Variants in VWC2 observed in about 807,000 individuals in gnomAD.
VWC2 encodes the protein brorin.
VWC2 carries 14 observed loss-of-function variants against 29.8 expected under a neutral mutation model. The observed-to-expected ratio is 0.47, with a 90% CI of 0.31 to 0.74. The LOEUF (loss-of-function observed/expected upper bound fraction) is 0.74. VWC2 is among the 30% of genes least tolerant of loss of function. The pLI, the probability that VWC2 is intolerant of heterozygous loss-of-function variation, is 0.05. For missense variants in VWC2, 457 were observed against 459.8 expected, an observed-to-expected ratio of 0.99 and a Z score of 0.05; for synonymous variants, 213 against 199.0, an observed-to-expected ratio of 1.07 and a Z score of -0.59.
At chr7:49,778,518 T>C (rs1788100440) in intron 2 of VWC2, among the ~76,000 whole-genome samples, 1 of 152,252 alleles carries the variant, frequency 6.6e-6, no homozygotes, top group African/African-American at 2.4e-5. Flanking sequence ...GTTTGCTCAT[T>C]TTTGTTAGTA....
chr7:49,804,569 C>T (rs1483850702), intron 3 of VWC2, among the ~76,000 whole-genome samples: 1 of 152,132 alleles, frequency 6.6e-6, no homozygotes, highest in Non-Finnish European at 1.5e-5. Context: ...TAGACTAAGT[C>T]TTGGCATTAG....
chr7:49,895,768 AT>A, intron 3 of VWC2, among the ~76,000 whole-genome samples: 1 of 152,310 alleles, frequency 6.6e-6, no homozygotes, highest in East Asian at 1.9e-4. Context: ...AAATATAAAA[AT>A]TAAGTAGCAT....
At chr7:49,840,811 T>G (rs1246285628) in intron 3 of VWC2, among the ~76,000 whole-genome samples, 6 of 152,168 alleles carry the variant, frequency 3.9e-5, no homozygotes. Context: ...AGGTTCGCAG[T>G]GAGTCAAGCC....
chr7:49,821,854 G>A (rs1414007998), intron 3 of VWC2, among the ~76,000 whole-genome samples: 1 of 152,118 alleles, frequency 6.6e-6, no homozygotes. Flanking sequence ...AACCAACAGA[G>A]TACAAGTCCC....
At chr7:49,905,561 T>G (rs1793040216) in intron 3 of VWC2, among the ~76,000 whole-genome samples, 1 of 152,236 alleles carries the variant, frequency 6.6e-6, no homozygotes, top group African/African-American at 2.4e-5. Flanking sequence ...TTTTATTTAT[T>G]TGTGTGCATT....
At chr7:49,830,249 A>C (rs1047014615) in intron 3 of VWC2, among the ~76,000 whole-genome samples, 1 of 151,790 alleles carries the variant, frequency 6.6e-6, no homozygotes, top group African/African-American at 2.4e-5. Context: ...ATTAATCTTT[A>C]AAATTTGAAA....
At chr7:49,877,481 A>AAAAAATAT in intron 3 of VWC2, among the ~76,000 whole-genome samples, 1 of 12,722 alleles carries the variant, frequency 7.9e-5, no homozygotes, top group African/African-American at 2.8e-4. Context: ...AAAAAAAAAA[A>AAAAAATAT]ATATATATAT....
chr7:49,832,449 T>C (rs1789556116), intron 3 of VWC2, among the ~76,000 whole-genome samples: 1 of 152,102 alleles, frequency 6.6e-6, no homozygotes, highest in South Asian at 2.1e-4. Flanking sequence ...TCCTATGAGC[T>C]GATCAGAGGA....
intron 2 of VWC2, among the ~76,000 whole-genome samples, chr7:49,782,031 G>A (rs1342594621): frequency 7.2e-5 from 11 of 152,172 alleles, no homozygotes; most frequent in Non-Finnish European, 2.9e-5. Flanking sequence ...CTGGTTCTAG[G>A]AGGTATTCTA....
At chr7:49,823,753 A>C (rs982959523) in intron 3 of VWC2, among the ~76,000 whole-genome samples, 5 of 152,202 alleles carry the variant, frequency 3.3e-5, no homozygotes, top group African/African-American at 1.2e-4. Context: ...GTGATATTAC[A>C]CTGGTATTGC....
chr7:49,898,088 C>T (rs1476472655), intron 3 of VWC2, among the ~76,000 whole-genome samples: 1 of 151,952 alleles, frequency 6.6e-6, no homozygotes, highest in Non-Finnish European at 1.5e-5. Context: ...CCTTCCTGTA[C>T]AACCATTATG....
chr7:49,825,630 C>T (rs375474637), intron 3 of VWC2, among the ~76,000 whole-genome samples: 3 of 152,174 alleles, frequency 2.0e-5, no homozygotes, highest in African/African-American at 7.2e-5. Context: ...TGGGCCCAGC[C>T]ATTTTCTGTT....
intron 3 of VWC2, among the ~76,000 whole-genome samples, chr7:49,805,321 G>A (rs1166032449): frequency 6.6e-6 from 1 of 152,102 alleles, no homozygotes; most frequent in East Asian, 1.9e-4. Context: ...TTAGAAGGGA[G>A]ATGAATATGT....
chr7:49,860,612 T>C (rs1790609757), intron 3 of VWC2, among the ~76,000 whole-genome samples: 1 of 152,256 alleles, frequency 6.6e-6, no homozygotes, highest in Non-Finnish European at 1.5e-5. Flanking sequence ...CCTTTGGCTA[T>C]TGTAATACCT....
chr7:49,802,651 T>C, intron 2 of VWC2, 60 bp from the exon 3 acceptor site: 2 of 1,604,670 alleles, frequency 1.2e-6, no homozygotes, highest in Non-Finnish European at 1.7e-6. Flanking sequence ...AAAATATATA[T>C]GACCCTGTAG....
At chr7:49,903,242 T>C (rs1256726017) in intron 3 of VWC2, among the ~76,000 whole-genome samples, 1 of 152,226 alleles carries the variant, frequency 6.6e-6, no homozygotes. Context: ...GCAATTGTGG[T>C]AGTTGTATTT....
At position 49,871,253 on chromosome 7, in the gene VWC2, G is replaced by A. The variant is rs146990412; in HGVS notation, c.827-40781G>A. Among the ~76,000 whole-genome samples, 390 of 152,248 alleles carry A rather than the reference G, an allele frequency of 2.6e-3. 1 individual carries two copies. Among genetic ancestry groups the A allele is most frequent in the Middle Eastern group, 0.017 (5 of 294 alleles). ...TACAGCCTTCCATGTAAAAAATTGG[G>A]CATTTTTGCCTAAAACTGAAATTTC... On this transcript the variant is annotated intron_variant, in intron 3 of 3. Coordinates refer to ENST00000340652, the MANE Select transcript of VWC2 (RefSeq NM_198570.5).
intron 2 of VWC2, among the ~76,000 whole-genome samples, chr7:49,788,506 AGT>A (rs970558480): frequency 2.7e-5 from 4 of 147,092 alleles, no homozygotes; most frequent in East Asian, 2.0e-4. Context: ...AGTGTGTATG[AGT>A]GTGTGTGAGT....
intron 2 of VWC2, among the ~76,000 whole-genome samples, chr7:49,783,149 A>G (rs1402015822): frequency 2.6e-5 from 4 of 152,184 alleles, no homozygotes; most frequent in Non-Finnish European, 5.9e-5. Context: ...TCTAAATCTG[A>G]TAAGTCCCAA....
Sources: allele counts gnomAD v4.1 joint callset (sites outside exome capture counted in the v4.1 genomes callset), GRCh38; gene constraint gnomAD v4.1.1; transcripts MANE v1.5; gene names NCBI Gene and HGNC (gene_info 2026-07-23, HGNC 2026-07-21).